OTUD7A: variants seen among roughly 807,000 people sequenced by gnomAD.
OTUD7A encodes the protein OTU domain-containing protein 7A.
A neutral mutation model predicts 65.7 loss-of-function variants in OTUD7A; 12 were observed. The observed-to-expected ratio is 0.18, with a 90% CI of 0.12 to 0.30. The LOEUF is 0.30. Ranked by LOEUF, OTUD7A falls within the 10% of genes least tolerant of loss-of-function variation. The pLI, the probability that OTUD7A is intolerant of heterozygous loss-of-function variation, is 1.00. For synonymous variants in OTUD7A, 641 were observed against 586.3 expected (o/e 1.09, Z -1.35); for missense variants, 1,148 against 1,304.8 (o/e 0.88, Z 1.85).
intron 3 of OTUD7A, among the ~76,000 whole-genome samples, chr15:31,593,381 C>T (rs557062082): frequency 3.9e-5 from 6 of 152,168 alleles, no homozygotes; most frequent in African/African-American, 7.2e-5. Flanking sequence ...CTGAGGGCAG[C>T]AGCATCTCGG....
intron 1 of OTUD7A, among the ~76,000 whole-genome samples, chr15:31,725,820 C>T (rs117583506): frequency 0.014 from 2,095 of 152,302 alleles, 31 homozygotes; most frequent in Middle Eastern, 0.044. Context: ...GATGGCAGCG[C>T]TCCATCAGCC....
intron 1 of OTUD7A, among the ~76,000 whole-genome samples, chr15:31,811,268 A>C (rs552993291): frequency 1.3e-5 from 2 of 152,158 alleles, no homozygotes; most frequent in African/African-American, 4.8e-5. Context: ...TGTTTAGGAA[A>C]TGAATTATTG....
intron 1 of OTUD7A, among the ~76,000 whole-genome samples, chr15:31,681,124 AT>A (rs1317312438): frequency 6.6e-6 from 1 of 150,552 alleles, no homozygotes; most frequent in Non-Finnish European, 1.5e-5. Context: ...TTTGATATAT[AT>A]TTTTTCCTGT....
chr15:31,830,631 C>T (rs1317825742), intron 1 of OTUD7A, among the ~76,000 whole-genome samples: 2 of 152,162 alleles, frequency 1.3e-5, no homozygotes, highest in Non-Finnish European at 2.9e-5. Context: ...ATTGTTTCAC[C>T]CTGTTGTTCC....
At position 31,521,881 on chromosome 15, in the gene OTUD7A, C is replaced by T. The variant is rs996783796; in HGVS notation, c.893+4468G>A. Among the ~76,000 whole-genome samples, 6 of 152,208 alleles carry T rather than the reference C, an allele frequency of 3.9e-5. No homozygotes were observed. The East Asian group carries it at 9.6e-4, about 24-fold the overall frequency. On this transcript the variant is annotated intron_variant, in intron 8 of 12. Transcript: ENST00000307050. ...CTGCTCTCTTCTCCTCTTTGTCTGT[C>T]GGACTGGCCTCTCAGCTTCCACTTA...
intron 1 of OTUD7A, among the ~76,000 whole-genome samples, chr15:31,838,216 G>A (rs1227702965): frequency 2.0e-5 from 3 of 152,324 alleles, no homozygotes; most frequent in Non-Finnish European, 1.5e-5. Flanking sequence ...TACATGAAAA[G>A]GTCTTAGATG....
In OTUD7A at chr15:31,476,365, T is replaced by C. The variant is rs2041018352; in HGVS notation, c.*6929A>G. 6.6e-6 allele frequency: 1 copy of C among 152,364 alleles called. No individual in the cohort carries two copies. 9.4% of individuals were successfully genotyped at this position (152,364 alleles called of 1,614,324 possible). On this transcript the variant is annotated 3_prime_UTR_variant, in exon 13 of 13. Transcript: ENST00000307050. ...CCCACTCCCCACTGCCAAGTCATCATTCCGTATCAGGTGTTTGGATTCCAT... is the reference window on the plus strand; with the variant it reads ...CCCACTCCCCACTGCCAAGTCATCACTCCGTATCAGGTGTTTGGATTCCAT...
chr15:31,547,290 A>G (rs139232496), intron 5 of OTUD7A, among the ~76,000 whole-genome samples: 1 of 152,368 alleles, frequency 6.6e-6, no homozygotes, highest in African/African-American at 2.4e-5. Context: ...GACTGAGTCT[A>G]TAAACAAGGC....
At chr15:31,505,366 C>T (rs935960921) in intron 8 of OTUD7A, among the ~76,000 whole-genome samples, 1 of 152,148 alleles carries the variant, frequency 6.6e-6, no homozygotes, top group African/African-American at 2.4e-5. Flanking sequence ...AATATTTAGG[C>T]TAAATTGTGG....
intron 3 of OTUD7A, among the ~76,000 whole-genome samples, chr15:31,595,444 T>C (rs1163053939): frequency 6.6e-6 from 1 of 152,242 alleles, no homozygotes; most frequent in African/African-American, 2.4e-5. Context: ...GTAGAATGAA[T>C]GCCCAGAGCT....
At chr15:31,579,915 T>G (rs1196744882) in intron 3 of OTUD7A, among the ~76,000 whole-genome samples, 1 of 152,228 alleles carries the variant, frequency 6.6e-6, no homozygotes, top group Non-Finnish European at 1.5e-5. Context: ...AACGCATTCC[T>G]AAATAATGTA....
Position 31,862,164 on chromosome 15 carries a change from T to G in OTUD7A, c.-100+8343A>C, listed in dbSNP as rs576365977. 4.7e-4 allele frequency among the ~76,000 whole-genome samples: 71 copies of G among 152,334 alleles called. 1 individual carries two copies. The highest frequency in any genetic ancestry group is 1.5e-3 in the African/African-American group (62 of 41,576). On this transcript the variant is annotated intron_variant, in intron 1 of 12. Coordinates refer to ENST00000307050, the MANE Select transcript of OTUD7A (RefSeq NM_001382637.1). ...CCAGGACTCTACCTTTGGAATGCTA[T>G]TCTTTTCCTCTCTCCCACCCCCTAG...
chr15:31,591,782 T>C (rs1889732260), intron 3 of OTUD7A, among the ~76,000 whole-genome samples: 1 of 152,220 alleles, frequency 6.6e-6, no homozygotes, highest in South Asian at 2.1e-4. Context: ...ACAATGGAAA[T>C]ACCTACTGAG....
intron 3 of OTUD7A, among the ~76,000 whole-genome samples, chr15:31,630,543 C>T (rs1037954238): frequency 2.0e-5 from 3 of 151,264 alleles, no homozygotes; most frequent in East Asian, 3.9e-4. Flanking sequence ...AGGTGTGGTG[C>T]TGAAAAAAAT....
intron 10 of OTUD7A, among the ~76,000 whole-genome samples, chr15:31,495,844 T>C (rs1438204774): frequency 6.6e-6 from 1 of 152,054 alleles, no homozygotes; most frequent in African/African-American, 2.4e-5. Context: ...GGTGGACAGA[T>C]CACTTGAGCT....
At chr15:31,610,771 G>A (rs1007520805) in intron 3 of OTUD7A, among the ~76,000 whole-genome samples, 9 of 150,878 alleles carry the variant, frequency 6.0e-5, no homozygotes, top group East Asian at 5.9e-4. Flanking sequence ...ACAGGCGCCC[G>A]CCACCACGCC....
rs1472256905 is a variant in OTUD7A, at chr15:31,503,681, A to G, written c.1021+10T>C. 1 of 1,614,120 alleles carries G rather than the reference A, an allele frequency of 6.2e-7. No individual in the cohort carries two copies. Among genetic ancestry groups the G allele is most frequent in the Admixed American group, 1.7e-5 (1 of 60,016 alleles). Reference sequence around the variant, plus strand: ...GTCATGAATACAACACATCTCTTTGAGGAACTTACCTTCTCCACCTGAGTC... The same window carrying G: ...GTCATGAATACAACACATCTCTTTGGGGAACTTACCTTCTCCACCTGAGTC... On this transcript the variant is annotated intron_variant, in intron 9 of 12. Coordinates refer to ENST00000307050, the MANE Select transcript of OTUD7A (RefSeq NM_001382637.1).
intron 3 of OTUD7A, among the ~76,000 whole-genome samples, chr15:31,578,648 T>C (rs980359911): frequency 6.6e-6 from 1 of 151,826 alleles, no homozygotes; most frequent in Non-Finnish European, 1.5e-5. Flanking sequence ...GCCTCCCAGG[T>C]TCAAGCAATT....
At chr15:31,772,903 G>C (rs939873362) in intron 1 of OTUD7A, among the ~76,000 whole-genome samples, 9 of 152,122 alleles carry the variant, frequency 5.9e-5, no homozygotes. Context: ...TGTATATAAT[G>C]TCAAGTAATG....
Sources: allele counts gnomAD v4.1 joint callset (sites outside exome capture counted in the v4.1 genomes callset), GRCh38; gene constraint gnomAD v4.1.1; transcripts MANE v1.5; gene names NCBI Gene and HGNC (gene_info 2026-07-23, HGNC 2026-07-21).